The following FRMPD4 variants were observed in gnomAD, a reference collection of about 807,000 sequenced individuals.
FRMPD4 encodes the protein FERM and PDZ domain containing 4, also known as FERM and PDZ domain-containing protein 4.
FRMPD4 carries 22 observed loss-of-function variants against 94.1 expected under a neutral mutation model. The ratio of observed to expected loss-of-function variants is 0.23; its 90% CI spans 0.17 to 0.33. FRMPD4 has a LOEUF of 0.33. FRMPD4 is among the 10% of genes least tolerant of loss of function. The pLI is 1.00. For synonymous variants in FRMPD4, 631 were observed against 548.6 expected, an observed-to-expected ratio of 1.15 and a Z score of -2.10; for missense variants, 1,111 against 1,339.9, an observed-to-expected ratio of 0.83 and a Z score of 2.67.
intron 1 of FRMPD4, among the ~76,000 whole-genome samples, chrX:12,236,764 C>T (rs187998165): frequency 2.6e-4 from 29 of 112,005 alleles, no homozygotes; most frequent in African/African-American, 9.4e-4. Flanking sequence ...GTTCTGTAAG[C>T]CTGCAGTTCC....
In FRMPD4 at chrX:12,694,459, G is replaced by A. The variant is rs773139809; in HGVS notation, c.933+5G>A. 8.4e-7 allele frequency: 1 copy of A among 1,191,824 alleles called. No homozygotes were observed. Among genetic ancestry groups the A allele is most frequent in the Non-Finnish European group, 1.1e-6 (1 of 878,267 alleles). On this transcript the variant is annotated splice_donor_5th_base_variant and intron_variant, in intron 9 of 16. Coordinates refer to ENST00000675598, the MANE Select transcript of FRMPD4 (RefSeq NM_001368397.1). The stretch of plus-strand genomic sequence containing the variant: ...TTCGAGTATCTCTATGTTCAGGTAT[G>A]TTAAAATTTTGGCATGTTTTATATC...
chrX:12,402,608 T>C (rs945539905), intron 1 of FRMPD4, among the ~76,000 whole-genome samples: 1 of 112,471 alleles, frequency 8.9e-6, no homozygotes, highest in Non-Finnish European at 1.9e-5. Flanking sequence ...ACCACTGCTA[T>C]TGTCTGAATG....
chrX:12,636,143 C>T (rs762687284), intron 4 of FRMPD4, among the ~76,000 whole-genome samples: 3 of 112,025 alleles, frequency 2.7e-5, no homozygotes, highest in Admixed American at 1.9e-4. Flanking sequence ...TCCATGGTCT[C>T]ATAAAATAAT....
intron 3 of FRMPD4, among the ~76,000 whole-genome samples, chrX:12,048,124 A>G (rs766632056): frequency 2.9e-4 from 33 of 112,864 alleles, no homozygotes; most frequent in African/African-American, 1.0e-3. Context: ...CCGGTGGTGT[A>G]TAAGCATTCC....
chrX:12,392,703 ACCTTCCTT>A (rs11471219), intron 1 of FRMPD4, among the ~76,000 whole-genome samples: 3 of 106,403 alleles, frequency 2.8e-5, no homozygotes, highest in African/African-American at 6.9e-5. Context: ...TCTTTGACAG[ACCTTCCTT>A]CCTTCCTTCC....
In FRMPD4 at chrX:12,718,378, T is replaced by A. The variant is rs765182559; in HGVS notation, c.3552T>A (p.Asp1184Glu). 1 of 1,210,114 alleles carries A rather than the reference T, an allele frequency of 8.3e-7. No homozygotes were observed. The highest frequency in any genetic ancestry group is 1.7e-5 in the African/African-American group (1 of 57,172). Residue 1184 changes from aspartate (D) to glutamate (E), a missense_variant, in exon 16 of 17, where the codon GAT (aspartate) becomes GAA (glutamate). By Grantham distance (45) the Asp-to-Glu change is conservative. This residue lies in a region of FRMPD4 where 551 missense variants were observed against 591.6 expected (regional missense o/e 0.93). Transcript: ENST00000675598. ...CDHPSKLPEA[D>E]ESVARLCDYH... ...ATCCTTCCAAGCTTCCTGAGGCTGATGAGAGTGTGGCCCGCCTTTGTGACT... is the reference window on the plus strand; with the variant it reads ...ATCCTTCCAAGCTTCCTGAGGCTGAAGAGAGTGTGGCCCGCCTTTGTGACT...
At position 12,718,489 on chromosome X, in the gene FRMPD4, C is replaced by G; in HGVS notation, c.3663C>G (p.Gly1221=). The G allele has an allele frequency of 8.3e-7, 1 of 1,206,773 alleles. No homozygotes were observed. The highest frequency in any genetic ancestry group is 1.1e-6 in the Non-Finnish European group (1 of 890,754). Residue 1221 remains glycine, a synonymous_variant, in exon 16 of 17, where the codon GGC becomes GGG. Coordinates refer to ENST00000675598, the MANE Select transcript of FRMPD4 (RefSeq NM_001368397.1). ...CCCAAGGCTCTTCAGTGGATGCAGG[C>G]TGTGGCACAGGCAGCAGTGGCAGTG... ...QSSQGSSVDA[G]CGTGSSGSAC...
intron 2 of FRMPD4, among the ~76,000 whole-genome samples, chrX:12,499,944 G>A (rs1056375020): frequency 8.9e-6 from 1 of 112,084 alleles, no homozygotes; most frequent in African/African-American, 3.2e-5. Flanking sequence ...TAAAGGCTGT[G>A]TTTAACTTTT....
rs1011523956 is a variant in FRMPD4, at chrX:12,009,731, T to C, written c.95+131713T>C. Among the ~76,000 whole-genome samples the C allele has an allele frequency of 2.7e-5, 3 of 111,892 alleles. No individual in the cohort carries two copies. In the South Asian group the frequency reaches 1.1e-3, roughly 42 times the overall value. On this transcript the variant is annotated intron_variant, in intron 3 of 18. Transcript: ENST00000640291. ...ATGAAAAAGAGAAAGCAACTGTCTT[T>C]GTAAGGAGGACAAACAGAGAAGGGA...
intron 4 of FRMPD4, among the ~76,000 whole-genome samples, chrX:12,658,753 T>C (rs1401523322): frequency 9.0e-6 from 1 of 111,347 alleles, no homozygotes; most frequent in African/African-American, 3.3e-5. Flanking sequence ...GAAGCGCTCT[T>C]AAGAACCGAA....
At chrX:11,862,136 G>T (rs746549000) in intron 1 of FRMPD4, among the ~76,000 whole-genome samples, 2 of 111,315 alleles carry the variant, frequency 1.8e-5, no homozygotes, top group South Asian at 3.8e-4. Context: ...CTCCCACCAG[G>T]CCCCACCTCC....
Position 12,450,863 on chromosome X carries a change from CAAAAAAAAAA to C in FRMPD4, c.42-47806_42-47797del, listed in dbSNP as rs5901475. Among the ~76,000 whole-genome samples, 161 of 49,539 alleles carry C rather than the reference CAAAAAAAAAA, an allele frequency of 3.2e-3. 1 individual carries two copies. The highest frequency in any genetic ancestry group is 0.022 in the South Asian group (9 of 411). The allele number at this position is 49,539 out of a possible 115,157, so 43.0% of individuals were successfully genotyped here. ...TGGACTCAGTGTTGTTCTATTTATC[CAAAAAAAAAA>C]AAAAAAAAAAGAGAGAGAGAAACAG... On this transcript the variant is annotated intron_variant, in intron 1 of 16. Coordinates refer to ENST00000675598, the MANE Select transcript of FRMPD4 (RefSeq NM_001368397.1).
chrX:12,478,899 T>TAA (rs997849664), intron 1 of FRMPD4, among the ~76,000 whole-genome samples: 10 of 111,825 alleles, frequency 8.9e-5, no homozygotes, highest in African/African-American at 3.2e-4. Context: ...ACTTAGCTTA[T>TAA]AAGGCTAATT....
At chrX:12,510,494 G>C in intron 2 of FRMPD4, among the ~76,000 whole-genome samples, 1 of 111,757 alleles carries the variant, frequency 8.9e-6, no homozygotes. Context: ...ACACAAAACA[G>C]GATAATGTCA....
At chrX:11,884,773 T>C (rs1193126866) in intron 3 of FRMPD4, among the ~76,000 whole-genome samples, 1 of 111,835 alleles carries the variant, frequency 8.9e-6, no homozygotes, top group East Asian at 2.8e-4. Flanking sequence ...TTCATTCTTA[T>C]AAAAATTTTT....
chrX:12,226,539 T>G (rs189518634), intron 1 of FRMPD4, among the ~76,000 whole-genome samples: 131 of 111,800 alleles, frequency 1.2e-3, no homozygotes, highest in Non-Finnish European at 2.1e-3. Flanking sequence ...CCTTAACTTG[T>G]AAGCTAACAA....
At chrX:12,139,558 G>GGGC (rs2055661334) in intron 1 of FRMPD4, among the ~76,000 whole-genome samples, 1 of 107,928 alleles carries the variant, frequency 9.3e-6, no homozygotes, top group Non-Finnish European at 1.9e-5. Context: ...TTTTGGGGGG[G>GGGC]GGGTAACTAT....
intron 3 of FRMPD4, among the ~76,000 whole-genome samples, chrX:12,023,557 C>G (rs369576297): frequency 8.9e-6 from 1 of 111,989 alleles, no homozygotes; most frequent in African/African-American, 3.2e-5. Flanking sequence ...AGAATATAAC[C>G]TTCATGAAGC....
intron 4 of FRMPD4, among the ~76,000 whole-genome samples, chrX:12,664,607 G>A (rs1413785440): frequency 1.8e-5 from 2 of 112,005 alleles, no homozygotes; most frequent in East Asian, 5.6e-4. Flanking sequence ...TGGTTTGCTA[G>A]TATTTTATTG....
Sources: allele counts gnomAD v4.1 joint callset (sites outside exome capture counted in the v4.1 genomes callset), GRCh38; gene constraint gnomAD v4.1.1; regional missense constraint gnomAD v4.1.1; transcripts MANE v1.5; gene names NCBI Gene and HGNC (gene_info 2026-07-23, HGNC 2026-07-21).